Variants in ASXL1 observed in about 807,000 individuals in gnomAD.
ASXL1 encodes polycomb group protein ASXL1.
In ASXL1, 65 loss-of-function variants were observed where a neutral mutation model predicts 89.1. The observed-to-expected ratio is 0.73, with a 90% confidence interval of 0.60 to 0.90. The LOEUF is 0.90. Among genes scored for constraint, ASXL1 ranks in the 40% least tolerant of loss-of-function variants. The probability of loss-of-function intolerance (pLI) is 0.00; values close to 1 mark genes in which losing one functional copy is unlikely to be tolerated. For synonymous variants in ASXL1, 739 were observed against 746.9 expected, an observed-to-expected ratio of 0.99 and a Z score of 0.17; for missense variants, 1,786 against 1,942.9, an observed-to-expected ratio of 0.92 and a Z score of 1.52.
chr20:32,358,910 G>GA (rs1406878525), intron 1 of ASXL1, 78 bp downstream of exon 1: 118 of 1,364,518 alleles, frequency 8.6e-5, no homozygotes, highest in Non-Finnish European at 1.1e-4. Flanking sequence ...ACTGGGGGGG[G>GA]AGGGGCAAGG....
In ASXL1 at chr20:32,359,905, A is replaced by G. The variant is rs115221335; in HGVS notation, c.57+1073A>G. On this transcript the variant is annotated intron_variant, in intron 1 of 12. Transcript: ENST00000375687. Reference sequence around the variant, plus strand: ...AGGTTATACTAAGATGTCAGTTCCTAAGATCTGTCACACAGCGAGGTTGTG... The same window carrying G: ...AGGTTATACTAAGATGTCAGTTCCTGAGATCTGTCACACAGCGAGGTTGTG... 4.8e-4 allele frequency: 344 copies of G among 710,924 alleles called. 2 individuals carry two copies. In the African/African-American group the frequency reaches 5.0e-3, roughly 10 times the overall value. The allele number at this position is 710,924 out of a possible 1,614,324, so 44.0% of individuals were successfully genotyped here.
intron 4 of ASXL1, among the ~76,000 whole-genome samples, chr20:32,398,559 A>G (rs907345109): frequency 1.6e-4 from 24 of 149,302 alleles, no homozygotes; most frequent in Non-Finnish European, 2.2e-4. Context: ...AAATGGAATC[A>G]TAGCGTATGT....
At chr20:32,418,555 A>G (rs1037754785) in intron 4 of ASXL1, among the ~76,000 whole-genome samples, 1 of 152,148 alleles carries the variant, frequency 6.6e-6, no homozygotes, top group African/African-American at 2.4e-5. Context: ...TGATTGCATA[A>G]TATTTCCATC....
intron 6 of ASXL1, chr20:32,428,756 G>A (rs1229541708): frequency 6.5e-6 from 2 of 305,482 alleles, no homozygotes; most frequent in African/African-American, 2.3e-5. Flanking sequence ...TGCCTCTGGG[G>A]TTCAAGCAAT....
intron 1 of ASXL1, among the ~76,000 whole-genome samples, chr20:32,365,186 T>A (rs2048185230): frequency 6.6e-6 from 1 of 152,100 alleles, no homozygotes; most frequent in Admixed American, 6.6e-5. Context: ...ATCTGAAATT[T>A]GGGGGAGAAG....
intron 4 of ASXL1, among the ~76,000 whole-genome samples, chr20:32,420,346 A>G (rs56059732): frequency 0.014 from 2,127 of 152,214 alleles, 42 homozygotes; most frequent in African/African-American, 0.047. Flanking sequence ...TTACTTCAGA[A>G]TCTAATCTTG....
chr20:32,372,719 C>T lies in ASXL1; in HGVS notation c.252+3596C>T, dbSNP rs137884068. ...AAGTGATTCTCCTGCCTCAGCCTCC[C>T]GAGTAGCTAGGACTACAGGCGTGCA... is the stretch of plus-strand genomic sequence containing the variant. On this transcript the variant is annotated intron_variant, in intron 4 of 12. Transcript: ENST00000375687. Among the ~76,000 whole-genome samples the T allele has an allele frequency of 9.2e-3, 1,404 of 151,850 alleles. 61 individuals are homozygous for T. Among genetic ancestry groups the T allele is most frequent in the Admixed American group, 0.073 (1,112 of 15,214 alleles).
intron 4 of ASXL1, chr20:32,426,989 A>G (rs987016796): frequency 6.6e-6 from 1 of 152,162 alleles, no homozygotes; most frequent in Admixed American, 6.5e-5. Context: ...CACCTGTTTT[A>G]AATTTATGGT....
intron 11 of ASXL1, 131 bp from the exon 12 acceptor site, chr20:32,433,153 A>T: frequency 1.3e-6 from 2 of 1,540,676 alleles, no homozygotes. Flanking sequence ...AAGTTTTTCC[A>T]TGGTTAGATT....
intron 4 of ASXL1, chr20:32,427,836 G>A: frequency 2.5e-6 from 1 of 405,320 alleles, no homozygotes; most frequent in Non-Finnish European, 4.7e-6. Flanking sequence ...TTGAGAGCAG[G>A]GCCTTGATTC....
intron 4 of ASXL1, among the ~76,000 whole-genome samples, chr20:32,381,660 G>A (rs964528974): frequency 3.3e-5 from 5 of 150,870 alleles, no homozygotes; most frequent in Non-Finnish European, 3.0e-5. Context: ...GACTACAGGC[G>A]CCTGCTACCA....
chr20:32,394,210 G>C (rs1216127106), intron 4 of ASXL1, among the ~76,000 whole-genome samples: 2 of 152,080 alleles, frequency 1.3e-5, no homozygotes, highest in Non-Finnish European at 2.9e-5. Context: ...CACTATATTG[G>C]CCAGGCTGGT....
At chr20:32,406,965 A>G (rs540959589) in intron 4 of ASXL1, among the ~76,000 whole-genome samples, 1 of 152,282 alleles carries the variant, frequency 6.6e-6, no homozygotes, top group African/African-American at 2.4e-5. Flanking sequence ...ATGTAATGGA[A>G]GGGAAGACTA....
At position 32,428,426 on chromosome 20, in the gene ASXL1, A is replaced by G; in HGVS notation, c.471+4A>G. The G allele has an allele frequency of 6.2e-7, 1 of 1,605,380 alleles. No individual in the cohort carries two copies. Among genetic ancestry groups the G allele is most frequent in the Non-Finnish European group, 8.5e-7 (1 of 1,172,332 alleles). On this transcript the variant is annotated splice_donor_region_variant and intron_variant, in intron 6 of 12. Coordinates refer to ENST00000375687, the MANE Select transcript of ASXL1 (RefSeq NM_015338.6). ...CAGCTACAGAGCTTCCTCACAGGTA[A>G]GGAAGAGGTAGAGCCTAGCCTGGGA...
chr20:32,420,064 T>G (rs1424894507), intron 4 of ASXL1, among the ~76,000 whole-genome samples: 2 of 151,612 alleles, frequency 1.3e-5, no homozygotes, highest in Non-Finnish European at 2.9e-5. Flanking sequence ...TAATGTGATC[T>G]CAAATGTCAC....
At position 32,370,218 on chromosome 20, in the gene ASXL1, G is replaced by A. The variant is rs1400288160; in HGVS notation, c.252+1095G>A. ...AGCTTAAATAGGGCCGAAATGAACA[G>A]GCTAATTATTTTTCCACCATTTGTG... On this transcript the variant is annotated intron_variant, in intron 4 of 12. Transcript: ENST00000375687. Among the ~76,000 whole-genome samples, 3 of 152,218 alleles carry A rather than the reference G, an allele frequency of 2.0e-5. No homozygotes were observed. In the East Asian group the frequency reaches 5.8e-4, roughly 29 times the overall value.
chr20:32,428,737 T>C (rs2011420928), intron 6 of ASXL1: 4 of 315,540 alleles, frequency 1.3e-5, no homozygotes, highest in Non-Finnish European at 1.2e-5. Flanking sequence ...CTCCGCTTAC[T>C]GCAACCTCTG....
At position 32,439,137 on chromosome 20, in the gene ASXL1, T is replaced by C. The variant is rs1445999536; in HGVS notation, c.*1799T>C. 4.3e-6 allele frequency: 1 copy of C among 233,532 alleles called. No homozygotes were observed. The highest frequency in any genetic ancestry group is 8.5e-6 in the Non-Finnish European group (1 of 117,998). The allele number at this position is 233,532 out of a possible 1,614,324, so 14.5% of individuals were successfully genotyped here. A position where few individuals can be genotyped will look rare whatever the true frequency, so the allele number is the denominator to read the frequency against. ...AGTCCAAGTTGTCAACTTAAGCGTC[T>C]GTTTACCAAAGACCGGGAACAGGGG... On this transcript the variant is annotated 3_prime_UTR_variant, in exon 13 of 13. Transcript: ENST00000375687.
chr20:32,430,168 G>A, intron 8 of ASXL1, 115 bp downstream of exon 8: 1 of 1,351,476 alleles, frequency 7.4e-7, no homozygotes, highest in Non-Finnish European at 9.8e-7. Flanking sequence ...TTCTTGGGTG[G>A]CCCTCTATTT....
Sources: gnomAD v4.1 joint callset for allele counts (sites outside exome capture counted in the v4.1 genomes callset) on GRCh38, gnomAD v4.1.1 for gene constraint, MANE v1.5 for transcripts, NCBI Gene and HGNC (gene_info 2026-07-23, HGNC 2026-07-21) for gene names.